The following NRXN1 variants were observed in gnomAD, a reference collection of about 807,000 sequenced individuals.
The protein encoded by NRXN1 is neurexin-1.
A neutral mutation model predicts 150.9 loss-of-function variants in NRXN1; 39 were observed. The ratio of observed to expected loss-of-function variants is 0.26; its 90% CI spans 0.20 to 0.34. The LOEUF is 0.34. Ranked by LOEUF, NRXN1 falls within the 10% of genes least tolerant of loss-of-function variation. The pLI is 1.00. For synonymous variants in NRXN1, 924 were observed against 757.0 expected, an observed-to-expected ratio of 1.22 and a Z score of -3.62; for missense variants, 1,815 against 1,949.9, an observed-to-expected ratio of 0.93 and a Z score of 1.30.
At position 50,531,942 on chromosome 2, in the gene NRXN1, C is replaced by T. The variant is rs367769338; in HGVS notation, c.2144-512G>A. ...CTCACTGCAGCCATGACCTCCTGAG[C>T]TCAAGCAATCTTTCCACCTCAACCT... On this transcript the variant is annotated intron_variant, in intron 10 of 22. Transcript: ENST00000401669. 1.2e-4 allele frequency among the ~76,000 whole-genome samples: 19 copies of T among 152,174 alleles called. No homozygotes were observed. In the South Asian group the frequency reaches 3.5e-3, roughly 28 times the overall value.
At chr2:50,807,036 G>A (rs1341282408) in intron 5 of NRXN1, among the ~76,000 whole-genome samples, 5 of 151,978 alleles carry the variant, frequency 3.3e-5, no homozygotes, top group Non-Finnish European at 5.9e-5. Context: ...TAGCATACAC[G>A]CCAATCATCC....
Position 50,824,903 on chromosome 2 carries a change from T to C in NRXN1, c.832+96966A>G, listed in dbSNP as rs561002042. Among the ~76,000 whole-genome samples the C allele has an allele frequency of 5.9e-5, 9 of 152,308 alleles. No individual in the cohort carries two copies. In the East Asian group the frequency reaches 1.7e-3, roughly 29 times the overall value. On this transcript the variant is annotated intron_variant, in intron 5 of 22. Coordinates refer to ENST00000401669, the MANE Select transcript of NRXN1 (RefSeq NM_001330078.2). ...CATCAAGCTAACTGAAAAAGAAAGA[T>C]TAGGTGCAGGCATCCACAATTTGTT... is the stretch of plus-strand genomic sequence containing the variant.
chr2:50,930,668 G>C (rs1467679974), intron 2 of NRXN1, among the ~76,000 whole-genome samples: 1 of 152,088 alleles, frequency 6.6e-6, no homozygotes, highest in Non-Finnish European at 1.5e-5. Context: ...TCAATAGTTG[G>C]ACTTAGGAAG....
At position 49,922,244 on chromosome 2, in the gene NRXN1, T is replaced by G. The variant is rs1668348800; in HGVS notation, c.4224A>C (p.Pro1408=). ...CEPSSGGLAN[P]TRAGGREPYP... ...ACGGCTCTCTGCCGCCTGCTCGGGT[T>G]GGGTTGGCTATAGAAAAGAGGATGA... The change falls in exon 23 of 23, where the codon CCA becomes CCC. Residue 1408 remains proline, a synonymous_variant. Coordinates refer to ENST00000401669, the MANE Select transcript of NRXN1 (RefSeq NM_001330078.2). The G allele has an allele frequency of 9.3e-6, 15 of 1,613,530 alleles. No homozygotes were observed. The highest frequency in any genetic ancestry group is 1.6e-4 in the Middle Eastern group (1 of 6,062).
At chr2:50,960,507 T>C (rs1240079439) in intron 2 of NRXN1, among the ~76,000 whole-genome samples, 2 of 151,954 alleles carry the variant, frequency 1.3e-5, no homozygotes, top group African/African-American at 4.8e-5. Context: ...ATAAGCACTG[T>C]GGTAAACCCC....
chr2:50,397,061 G>A (rs2082098706), intron 17 of NRXN1, among the ~76,000 whole-genome samples: 1 of 152,022 alleles, frequency 6.6e-6, no homozygotes, highest in African/African-American at 2.4e-5. Context: ...CAGGTCTTCA[G>A]GTGACCCTAT....
intron 17 of NRXN1, among the ~76,000 whole-genome samples, chr2:50,444,331 CAAGGGGATGCAATTAA>C: frequency 6.6e-6 from 1 of 152,096 alleles, no homozygotes; most frequent in Non-Finnish European, 1.5e-5. Context: ...TTCTGAAATG[CAAGGGGATGCAATTAA>C]CTCCCTGGTT....
chr2:50,749,197 C>T (rs1204928256), intron 5 of NRXN1, among the ~76,000 whole-genome samples: 1 of 152,076 alleles, frequency 6.6e-6, no homozygotes, highest in Non-Finnish European at 1.5e-5. Flanking sequence ...GTTACATTCA[C>T]ATATTTTATC....
rs369071366 is a variant in NRXN1, at chr2:50,497,721, G to A, written c.2498-7C>T. On this transcript the variant is annotated splice_region_variant and splice_polypyrimidine_tract_variant and intron_variant, in intron 13 of 22. Transcript: ENST00000401669. The stretch of plus-strand genomic sequence containing the variant: ...TGATCACCTGCCATTTGACCTAAAA[G>A]AGAAGATAATATATGATTATTTTCT... 2.5e-6 allele frequency: 4 copies of A among 1,599,752 alleles called. No homozygotes were observed. The highest frequency in any genetic ancestry group is 3.4e-5 in the Admixed American group (2 of 58,462).
intron 9 of NRXN1, among the ~76,000 whole-genome samples, chr2:50,550,739 C>T (rs1431477210): frequency 6.6e-6 from 1 of 151,326 alleles, no homozygotes; most frequent in Admixed American, 6.6e-5. Flanking sequence ...TGGAGTGCCG[C>T]GGCCCGATCT....
intron 17 of NRXN1, among the ~76,000 whole-genome samples, chr2:50,276,824 AC>A (rs768747479): frequency 1.3e-5 from 2 of 152,096 alleles, no homozygotes; most frequent in Non-Finnish European, 2.9e-5. Flanking sequence ...AGGGGAAAAG[AC>A]CCTTCAATAG....
At chr2:50,996,791 C>T (rs888420213) in intron 2 of NRXN1, among the ~76,000 whole-genome samples, 39 of 152,002 alleles carry the variant, frequency 2.6e-4, no homozygotes, top group African/African-American at 8.9e-4. Flanking sequence ...ATATCATCTT[C>T]TACTATTGTA....
intron 17 of NRXN1, among the ~76,000 whole-genome samples, chr2:50,402,270 T>C (rs757016211): frequency 1.2e-4 from 18 of 152,106 alleles, no homozygotes; most frequent in African/African-American, 2.7e-4. Context: ...TAAGTATGGA[T>C]ACAAGAGAAA....
chr2:50,825,421 G>A (rs1420506297), intron 5 of NRXN1, among the ~76,000 whole-genome samples: 1 of 152,140 alleles, frequency 6.6e-6, no homozygotes, highest in Admixed American at 6.5e-5. Flanking sequence ...CAACATCCAA[G>A]TAGGTGAGAA....
intron 8 of NRXN1, among the ~76,000 whole-genome samples, chr2:50,603,959 A>G (rs369127899): frequency 6.6e-6 from 1 of 152,164 alleles, no homozygotes; most frequent in South Asian, 2.1e-4. Context: ...AATCTGAAGC[A>G]TATCTGGTTT....
chr2:50,827,200 T>C (rs1670575552), intron 5 of NRXN1, among the ~76,000 whole-genome samples: 1 of 152,244 alleles, frequency 6.6e-6, no homozygotes, highest in Non-Finnish European at 1.5e-5. Context: ...TTGAGGTCGA[T>C]GCGTATGATA....
At chr2:50,396,999 A>AT (rs2082093510) in intron 17 of NRXN1, among the ~76,000 whole-genome samples, 1 of 152,002 alleles carries the variant, frequency 6.6e-6, no homozygotes, top group Non-Finnish European at 1.5e-5. Context: ...ACTATCCTAG[A>AT]TTCTTTTTAA....
chr2:49,922,696 G>C (rs1668437447), intron 22 of NRXN1, among the ~76,000 whole-genome samples: 1 of 152,032 alleles, frequency 6.6e-6, no homozygotes, highest in Non-Finnish European at 1.5e-5. Context: ...ACTAAATTTA[G>C]GATTACTTTA....
chr2:50,813,903 G>T (rs1357895635), intron 5 of NRXN1, among the ~76,000 whole-genome samples: 1 of 151,822 alleles, frequency 6.6e-6, no homozygotes, highest in Non-Finnish European at 1.5e-5. Context: ...TACATCTTCT[G>T]ATCTTACTAA....
Sources: allele counts gnomAD v4.1 joint callset (sites outside exome capture counted in the v4.1 genomes callset), GRCh38; gene constraint gnomAD v4.1.1; transcripts MANE v1.5; gene names NCBI Gene and HGNC (gene_info 2026-07-23, HGNC 2026-07-21).